RNGTT: variants seen among roughly 807,000 people sequenced by gnomAD.
The protein encoded by RNGTT is RNA guanylyltransferase and 5'-phosphatase, also known as mRNA-capping enzyme.
In RNGTT, 33 loss-of-function variants were observed where a neutral mutation model predicts 79.3. That is an observed-to-expected ratio of 0.42 (90% confidence interval 0.32 to 0.56). RNGTT has a LOEUF of 0.56. Among genes scored for constraint, RNGTT ranks in the 20% least tolerant of loss-of-function variants. The pLI is 0.17. For missense variants in RNGTT, 497 were observed against 739.1 expected (o/e 0.67, Z 3.80); for synonymous variants, 222 against 235.9 (o/e 0.94, Z 0.54).
At chr6:88,844,847 G>A (rs969095278) in intron 10 of RNGTT, among the ~76,000 whole-genome samples, 1 of 152,046 alleles carries the variant, frequency 6.6e-6, no homozygotes, top group Admixed American at 6.5e-5. Context: ...CAGCACTTTG[G>A]AAGGCTGAGG....
rs1398981481 is a variant in RNGTT at position 88,853,769 on chromosome 6, A to C, written c.897-5T>G. 1.3e-6 allele frequency: 2 copies of C among 1,515,408 alleles called. No homozygotes were observed. The highest frequency in any genetic ancestry group is 1.8e-6 in the Non-Finnish European group (2 of 1,111,754). 93.9% of individuals were successfully genotyped at this position (1,515,408 alleles called of 1,614,324 possible). A position where few individuals can be genotyped will look rare whatever the true frequency, so the allele number is the denominator to read the frequency against. On this transcript the variant is annotated splice_polypyrimidine_tract_variant and splice_region_variant and intron_variant, in intron 8 of 15. Transcript: ENST00000369485. ...CCATCAATCAACATCATGTACCTGT[A>C]AATGAAACATTAAAAAGCTAATATT...
chr6:88,943,202 T>C (rs1209076289), intron 1 of RNGTT, among the ~76,000 whole-genome samples: 4 of 152,234 alleles, frequency 2.6e-5, no homozygotes, highest in Non-Finnish European at 4.4e-5. Context: ...CTCTACTTTA[T>C]GTCTAACAGA....
intron 13 of RNGTT, among the ~76,000 whole-genome samples, chr6:88,704,273 A>ACAAAAC (rs1171110823): frequency 1.3e-5 from 2 of 149,786 alleles, no homozygotes; most frequent in African/African-American, 4.9e-5. Flanking sequence ...AAAAAAAAAA[A>ACAAAAC]AAAAAAAAAA....
intron 14 of RNGTT, among the ~76,000 whole-genome samples, chr6:88,628,114 A>C (rs1222038839): frequency 6.6e-6 from 1 of 152,130 alleles, no homozygotes; most frequent in Non-Finnish European, 1.5e-5. Flanking sequence ...CTAGAGTTTC[A>C]TTTTGTGTCT....
intron 13 of RNGTT, among the ~76,000 whole-genome samples, chr6:88,753,741 A>T: frequency 6.6e-6 from 1 of 151,972 alleles, no homozygotes; most frequent in Non-Finnish European, 1.5e-5. Flanking sequence ...TTTTTGAAAG[A>T]AAATAAAAAC....
intron 5 of RNGTT, 98 bp downstream of exon 5, chr6:88,906,267 G>C (rs1000233965): frequency 2.9e-6 from 2 of 690,604 alleles, no homozygotes; most frequent in East Asian, 2.7e-5. Flanking sequence ...TTAATCATGA[G>C]TTCACCAAAA....
intron 8 of RNGTT, among the ~76,000 whole-genome samples, chr6:88,869,736 T>C (rs185260850): frequency 1.2e-4 from 19 of 152,250 alleles, no homozygotes; most frequent in African/African-American, 4.6e-4. Context: ...CAGCTAATAC[T>C]ACTGAGACTA....
At chr6:88,894,434 T>C (rs1005071149) in intron 6 of RNGTT, among the ~76,000 whole-genome samples, 2 of 152,216 alleles carry the variant, frequency 1.3e-5, no homozygotes, top group Non-Finnish European at 1.5e-5. Flanking sequence ...TAGAAAAGTA[T>C]GCCTTAGGGA....
intron 13 of RNGTT, among the ~76,000 whole-genome samples, chr6:88,736,179 C>T (rs1411533331): frequency 6.8e-6 from 1 of 147,988 alleles, no homozygotes; most frequent in Non-Finnish European, 1.5e-5. Flanking sequence ...AAAATTGAAC[C>T]TATAATTAAC....
rs80083917 is a variant in RNGTT, at chr6:88,774,269, C to T, written c.1339-4395G>A. On this transcript the variant is annotated intron_variant, in intron 12 of 15. Transcript: ENST00000369485. ...ATGCAATCAAAATCAAATGGAGATA[C>T]CACTTCATACTAACTAGGGTGACTA... 9.5e-4 allele frequency among the ~76,000 whole-genome samples: 144 copies of T among 152,014 alleles called. 1 individual carries two copies. The East Asian group carries it at 0.024, about 25-fold the overall frequency.
chr6:88,879,511 G>C (rs1168799321), intron 8 of RNGTT, among the ~76,000 whole-genome samples: 1 of 152,130 alleles, frequency 6.6e-6, no homozygotes, highest in Non-Finnish European at 1.5e-5. Context: ...GTCACGAAGT[G>C]TATTTGTTAG....
chr6:88,813,067 C>T (rs913379356), intron 11 of RNGTT, among the ~76,000 whole-genome samples: 5 of 152,058 alleles, frequency 3.3e-5, no homozygotes, highest in Non-Finnish European at 4.4e-5. Context: ...GTTAAAGAAA[C>T]CAGTGACTGG....
At chr6:88,628,210 C>G (rs1772710041) in intron 14 of RNGTT, among the ~76,000 whole-genome samples, 1 of 152,082 alleles carries the variant, frequency 6.6e-6, no homozygotes, top group Non-Finnish European at 1.5e-5. Context: ...TAAAAAGCCA[C>G]TCAGAAAATG....
At chr6:88,834,364 G>A (rs139678509) in intron 11 of RNGTT, among the ~76,000 whole-genome samples, 4 of 152,252 alleles carry the variant, frequency 2.6e-5, no homozygotes, top group Non-Finnish European at 5.9e-5. Context: ...ATATGAATGA[G>A]ATTGAAAGGA....
rs544685233 is a variant in RNGTT, at chr6:88,698,224, T to A, written c.1440-19805A>T. ...TGATATATATGAAATATATATATCATATATATATGAAATATATATATGAAA... is the reference window on the plus strand; with the variant it reads ...TGATATATATGAAATATATATATCAAATATATATGAAATATATATATGAAA... On this transcript the variant is annotated intron_variant, in intron 13 of 15. Coordinates refer to ENST00000369485, the MANE Select transcript of RNGTT (RefSeq NM_003800.5). 1.9e-4 allele frequency among the ~76,000 whole-genome samples: 15 copies of A among 77,552 alleles called. No homozygotes were observed. In the African/African-American group the frequency reaches 2.6e-3, roughly 13 times the overall value. 50.9% of individuals were successfully genotyped at this position (77,552 alleles called of 152,430 possible).
At chr6:88,913,905 A>G (rs879763015) in intron 4 of RNGTT, among the ~76,000 whole-genome samples, 7 of 152,156 alleles carry the variant, frequency 4.6e-5, no homozygotes, top group Non-Finnish European at 8.8e-5. Flanking sequence ...ATAGGAAGAG[A>G]GGACATCATA....
At chr6:88,742,352 G>A (rs1777520415) in intron 13 of RNGTT, among the ~76,000 whole-genome samples, 1 of 152,112 alleles carries the variant, frequency 6.6e-6, no homozygotes, top group Non-Finnish European at 1.5e-5. Flanking sequence ...GCAATGGAAA[G>A]GCATTTCTTT....
intron 10 of RNGTT, among the ~76,000 whole-genome samples, chr6:88,848,270 C>T (rs1369311851): frequency 6.6e-6 from 1 of 151,924 alleles, no homozygotes. Context: ...GATAATATAG[C>T]TGAAGCTGCT....
chr6:88,656,281 T>A (rs1221522090), intron 14 of RNGTT, among the ~76,000 whole-genome samples: 1 of 152,166 alleles, frequency 6.6e-6, no homozygotes, highest in Non-Finnish European at 1.5e-5. Context: ...CCGTCTTGGA[T>A]GAGGATGAAA....
Sources: allele counts gnomAD v4.1 joint callset (sites outside exome capture counted in the v4.1 genomes callset), GRCh38; gene constraint gnomAD v4.1.1; transcripts MANE v1.5; gene names NCBI Gene and HGNC (gene_info 2026-07-23, HGNC 2026-07-21).